Variants in CIMAP1D observed in about 807,000 individuals in gnomAD.
CIMAP1D encodes the protein protein CIMAP1D.
chr19:485,499 G>A, the CIMAP1D span, among the ~76,000 whole-genome samples: 1 of 152,304 alleles, frequency 6.6e-6, no homozygotes, highest in Admixed American at 6.5e-5. Flanking sequence ...CTAGAGACAA[G>A]GTCTCACTCC....
the CIMAP1D span, chr19:472,749 CTG>C: frequency 2.0e-6 from 1 of 509,188 alleles, no homozygotes; most frequent in East Asian, 3.4e-5. Context: ...GACAGGGAGA[CTG>C]GGGCCTGAGC....
chr19:471,652 C>T, the CIMAP1D span, among the ~76,000 whole-genome samples: 1 of 151,818 alleles, frequency 6.6e-6, no homozygotes, highest in Non-Finnish European at 1.5e-5. Context: ...TAATGAATCT[C>T]AAAAAGGCAT....
the CIMAP1D span, chr19:467,509 G>A: frequency 7.4e-4 from 514 of 696,602 alleles, 4 homozygotes; most frequent in African/African-American, 7.5e-3. Context: ...CCCCTCCTCC[G>A]TGTCCCTTGG....
chr19:473,580 T>G, the CIMAP1D span, among the ~76,000 whole-genome samples: 2 of 79,594 alleles, frequency 2.5e-5, 1 homozygote, highest in Non-Finnish European at 4.6e-5. Flanking sequence ...ATCGGGAAAC[T>G]GAGGCCCAGG....
At chr19:476,525 T>C in the CIMAP1D span, among the ~76,000 whole-genome samples, 2 of 152,292 alleles carry the variant, frequency 1.3e-5, no homozygotes, top group East Asian at 3.9e-4. Flanking sequence ...TTGATATAAT[T>C]CACATACCAT....
the CIMAP1D span, among the ~76,000 whole-genome samples, chr19:481,247 G>A: frequency 4.1e-5 from 6 of 146,254 alleles, no homozygotes; most frequent in Non-Finnish European, 9.0e-5. Flanking sequence ...GAAGGATGAT[G>A]GGAAGGATGA....
chr19:480,279 C>T, the CIMAP1D span, among the ~76,000 whole-genome samples: 1 of 152,230 alleles, frequency 6.6e-6, no homozygotes, highest in Non-Finnish European at 1.5e-5. Flanking sequence ...GCGGCGGGTC[C>T]TGCACGGCCT....
At chr19:472,837 G>C in the CIMAP1D span, among the ~76,000 whole-genome samples, 1 of 139,296 alleles carries the variant, frequency 7.2e-6, no homozygotes, top group African/African-American at 2.7e-5. Flanking sequence ...CAGATGGGGA[G>C]ACTGAGGCCC....
the CIMAP1D span, chr19:489,079 T>C: frequency 1.3e-5 from 2 of 152,078 alleles, no homozygotes; most frequent in African/African-American, 4.8e-5. Flanking sequence ...CTCCGCGGCA[T>C]GGCGGGAGTT....
chr19:472,189 A>G, the CIMAP1D span, among the ~76,000 whole-genome samples: 1 of 152,190 alleles, frequency 6.6e-6, no homozygotes, highest in South Asian at 2.1e-4. Flanking sequence ...CATTCTCATT[A>G]TCAATGAAAA....
chr19:471,627 C>T, the CIMAP1D span, among the ~76,000 whole-genome samples: 3 of 152,004 alleles, frequency 2.0e-5, no homozygotes, highest in Admixed American at 2.0e-4. Context: ...CTTTTAAAAG[C>T]ATTTAATCCT....
the CIMAP1D span, among the ~76,000 whole-genome samples, chr19:466,673 G>C: frequency 2.0e-5 from 3 of 146,634 alleles, no homozygotes; most frequent in African/African-American, 7.7e-5. Context: ...TGGGTGGATG[G>C]ATGAGTGGAT....
the CIMAP1D span, among the ~76,000 whole-genome samples, chr19:482,210 A>G: frequency 6.6e-6 from 1 of 152,222 alleles, no homozygotes; most frequent in Non-Finnish European, 1.5e-5. Flanking sequence ...GATATTTCAC[A>G]TTCTTCTTTT....
At chr19:490,692 C>A in the CIMAP1D span, among the ~76,000 whole-genome samples, 2 of 152,212 alleles carry the variant, frequency 1.3e-5, no homozygotes, top group Non-Finnish European at 2.9e-5. Flanking sequence ...GGGCCAGGCG[C>A]GGTGGCTGAC....
At chr19:468,920 C>G in the CIMAP1D span, among the ~76,000 whole-genome samples, 5,638 of 121,206 alleles carry the variant, frequency 0.047, 128 homozygotes, top group African/African-American at 0.12. Context: ...CGCAGCGTGG[C>G]CCAGACACGG....
At chr19:480,600 G>A in the CIMAP1D span, among the ~76,000 whole-genome samples, 18 of 118,822 alleles carry the variant, frequency 1.5e-4, no homozygotes, top group East Asian at 3.0e-4. Context: ...GTGGGAAGGT[G>A]ATGGGGAAGG....
the CIMAP1D span, among the ~76,000 whole-genome samples, chr19:484,971 G>C: frequency 1.3e-5 from 2 of 152,178 alleles, no homozygotes; most frequent in African/African-American, 4.8e-5. Context: ...GCCCAGGTGG[G>C]CACCACGGGG....
At chr19:475,776 A>ATT in the CIMAP1D span, among the ~76,000 whole-genome samples, 3 of 138,666 alleles carry the variant, frequency 2.2e-5, no homozygotes, top group African/African-American at 5.2e-5. Flanking sequence ...TTGCAGTGTA[A>ATT]TTTTTTTTTT....
chr19:481,161 G>GA, the CIMAP1D span, among the ~76,000 whole-genome samples: 24 of 130,144 alleles, frequency 1.8e-4, no homozygotes, highest in East Asian at 2.6e-4. Context: ...AAGGATGATG[G>GA]GAAGGATGAT....
Sources: gnomAD v4.1 joint callset for allele counts (sites outside exome capture counted in the v4.1 genomes callset) on GRCh38, gnomAD v4.1.1 for gene constraint, MANE v1.5 for transcripts, NCBI Gene and HGNC (gene_info 2026-07-23, HGNC 2026-07-21) for gene names.